The following OIT3 variants were observed in gnomAD, a reference collection of about 807,000 sequenced individuals.
OIT3 encodes the protein oncoprotein-induced transcript 3 protein.
Under a neutral mutation model 52.2 loss-of-function variants are expected in OIT3, and 41 were observed. That is an observed-to-expected ratio of 0.79 (90% confidence interval 0.61 to 1.02). The LOEUF (loss-of-function observed/expected upper bound fraction) is 1.02, where lower values mean the gene tolerates loss of function less well. OIT3 is among the 50% of genes least tolerant of loss of function. The pLI is 0.00. For missense variants in OIT3, 634 were observed against 715.5 expected (o/e 0.89, Z 1.30); for synonymous variants, 244 against 276.9 (o/e 0.88, Z 1.18).
chr10:72,899,750 T>C (rs1053799157), intron 2 of OIT3, among the ~76,000 whole-genome samples: 3 of 139,756 alleles, frequency 2.1e-5, no homozygotes, highest in Admixed American at 1.4e-4. Flanking sequence ...GATAGATAGA[T>C]AGATAGATGA....
Position 72,924,471 on chromosome 10 carries a change from G to GA in OIT3, c.1194_1195insA (p.Phe399IlefsTer2). 1 of 1,614,008 alleles carries GA rather than the reference G, an allele frequency of 6.2e-7. No homozygotes were observed. Among genetic ancestry groups the GA allele is most frequent in the Admixed American group, 1.7e-5 (1 of 60,004 alleles). ...CTCTGGAGATCTTCAAGGACAATGA[G>GA]TTTGAAGAGCCTTACCGGGAAGCTC... is the stretch of plus-strand genomic sequence containing the variant. On this transcript the variant is annotated frameshift_variant, in exon 7 of 9. Transcript: ENST00000334011. LOFTEE classifies it high-confidence loss of function.
At chr10:72,913,049 C>T (rs1470576528) in intron 5 of OIT3, among the ~76,000 whole-genome samples, 1 of 152,188 alleles carries the variant, frequency 6.6e-6, no homozygotes, top group Non-Finnish European at 1.5e-5. Context: ...GTCTACACTT[C>T]GAAACCAATG....
At chr10:72,910,927 A>G (rs1846023313) in intron 4 of OIT3, among the ~76,000 whole-genome samples, 1 of 152,234 alleles carries the variant, frequency 6.6e-6, no homozygotes, top group Admixed American at 6.5e-5. Context: ...TAATGTGTGC[A>G]GATTAGAATT....
chr10:72,930,275 G>T (rs181265702), intron 7 of OIT3, among the ~76,000 whole-genome samples: 22 of 152,316 alleles, frequency 1.4e-4, no homozygotes, highest in Non-Finnish European at 2.4e-4. Flanking sequence ...ACACTTAAAC[G>T]CATTAACTTA....
intron 3 of OIT3, among the ~76,000 whole-genome samples, chr10:72,901,503 AG>A (rs1845934859): frequency 1.3e-5 from 2 of 152,334 alleles, no homozygotes; most frequent in South Asian, 4.1e-4. Context: ...AAGTCTAGAG[AG>A]AAAGGGGAAG....
At chr10:72,910,540 T>C (rs1462666311) in intron 4 of OIT3, among the ~76,000 whole-genome samples, 2 of 152,166 alleles carry the variant, frequency 1.3e-5, no homozygotes, top group Admixed American at 1.3e-4. Context: ...TATAAACTGG[T>C]ATTAATCTCT....
chr10:72,899,699 TAGATGATAGATAGATAGATA>T (rs1402894823), intron 2 of OIT3, among the ~76,000 whole-genome samples: 7 of 136,826 alleles, frequency 5.1e-5, no homozygotes, highest in African/African-American at 2.0e-4. Flanking sequence ...TTAAGATAGA[TAGATGATAGATAGATAGATA>T]GATAGATAGA....
chr10:72,899,996 T>A (rs544419021), intron 2 of OIT3, among the ~76,000 whole-genome samples: 2 of 152,348 alleles, frequency 1.3e-5, no homozygotes, highest in African/African-American at 4.8e-5. Context: ...AGAAACTCTA[T>A]GGCCACTCAA....
intron 1 of OIT3, among the ~76,000 whole-genome samples, chr10:72,894,749 A>G (rs1335377272): frequency 2.0e-5 from 3 of 152,082 alleles, no homozygotes; most frequent in African/African-American, 7.2e-5. Context: ...TTAGATGGTC[A>G]TGGTGTTGCA....
In OIT3 at chr10:72,924,613, G is replaced by A. The variant is rs147805391; in HGVS notation, c.1336G>A (p.Glu446Lys). 27 of 1,613,258 alleles carry A rather than the reference G, an allele frequency of 1.7e-5. No individual in the cohort carries two copies. Among genetic ancestry groups the A allele is most frequent in the East Asian group, 2.2e-5 (1 of 44,858 alleles). ...TGCCACCCCCACCTCCAAGATCGACGAGGTCCTGAAATACTACCTCATCCG... is the reference window on the plus strand; with the variant it reads ...TGCCACCCCCACCTCCAAGATCGACAAGGTCCTGAAATACTACCTCATCCG... ...CFATPTSKID[E>K]VLKYYLIRDG... The change falls in exon 7 of 9, where the codon GAG (glutamate) becomes AAG (lysine). Residue 446 changes from glutamate (E) to lysine (K), a missense_variant. Transcript: ENST00000334011.
At chr10:72,895,300 T>C (rs1845864416) in intron 1 of OIT3, among the ~76,000 whole-genome samples, 1 of 152,194 alleles carries the variant, frequency 6.6e-6, no homozygotes, top group Non-Finnish European at 1.5e-5. Context: ...CTCCCCTTTC[T>C]TCCCACCCTT....
chr10:72,919,909 CT>C (rs1358796851), intron 6 of OIT3, among the ~76,000 whole-genome samples: 1 of 152,024 alleles, frequency 6.6e-6, no homozygotes, highest in African/African-American at 2.4e-5. Flanking sequence ...CTGAGGTTTC[CT>C]TTTTTTGTTG....
intron 6 of OIT3, among the ~76,000 whole-genome samples, chr10:72,920,048 T>A (rs2132943857): frequency 6.6e-6 from 1 of 152,208 alleles, no homozygotes; most frequent in South Asian, 2.1e-4. Flanking sequence ...GTACAGGGGG[T>A]AGAATTCAGC....
intron 1 of OIT3, among the ~76,000 whole-genome samples, chr10:72,897,590 C>T (rs377023813): frequency 1.3e-5 from 2 of 152,116 alleles, no homozygotes; most frequent in South Asian, 4.1e-4. Context: ...GACATGTGCC[C>T]GAGGCCTTTT....
intron 6 of OIT3, among the ~76,000 whole-genome samples, chr10:72,915,529 C>T (rs1035404063): frequency 1.3e-5 from 2 of 152,124 alleles, no homozygotes; most frequent in African/African-American, 4.8e-5. Flanking sequence ...TTTAAAGATA[C>T]CTTATTTAAC....
At chr10:72,895,157 C>T (rs1845863250) in intron 1 of OIT3, among the ~76,000 whole-genome samples, 1 of 152,150 alleles carries the variant, frequency 6.6e-6, no homozygotes, top group African/African-American at 2.4e-5. Flanking sequence ...TTTGTCCTAT[C>T]ATCTCAATTA....
intron 6 of OIT3, chr10:72,918,457 TG>T: frequency 1.1e-6 from 1 of 903,828 alleles, no homozygotes; most frequent in East Asian, 2.4e-5. Flanking sequence ...TGATCATCTT[TG>T]TCAGCCTTAA....
chr10:72,904,531 A>G (rs770883482), intron 3 of OIT3, among the ~76,000 whole-genome samples: 30 of 152,138 alleles, frequency 2.0e-4, no homozygotes, highest in Non-Finnish European at 4.0e-4. Flanking sequence ...GATTCTTAAT[A>G]TTATCAACAT....
At chr10:72,915,588 A>C (rs1250435879) in intron 6 of OIT3, among the ~76,000 whole-genome samples, 6 of 152,120 alleles carry the variant, frequency 3.9e-5, no homozygotes, top group African/African-American at 1.4e-4. Context: ...CAGCACCGCA[A>C]CTCATGTCTG....
Sources: allele counts gnomAD v4.1 joint callset (sites outside exome capture counted in the v4.1 genomes callset), GRCh38; gene constraint gnomAD v4.1.1; transcripts MANE v1.5; gene names NCBI Gene and HGNC (gene_info 2026-07-23, HGNC 2026-07-21).